FER1L6: variants seen among roughly 807,000 people sequenced by gnomAD.
The protein encoded by FER1L6 is fer-1 like family member 6.
FER1L6 carries 177 observed loss-of-function variants against 219.2 expected under a neutral mutation model. The observed-to-expected ratio is 0.81, with a 90% CI of 0.71 to 0.91. The LOEUF is 0.91. FER1L6 is among the 40% of genes least tolerant of loss of function. The pLI is 0.00. For missense variants in FER1L6, 2,153 were observed against 2,259.9 expected (o/e 0.95, Z 0.96); for synonymous variants, 768 against 824.3 (o/e 0.93, Z 1.17).
Position 124,066,684 on chromosome 8 carries a change from C to T in FER1L6, c.3678+134C>T, listed in dbSNP as rs568641746. On this transcript the variant is annotated intron_variant, in intron 27 of 40. Coordinates refer to ENST00000522917, the MANE Select transcript of FER1L6 (RefSeq NM_001039112.2). ...CCCTACTCAGGTGTGGTTCTGTTAA[C>T]TGCAGAAAGGTAAAAAGCCTGGAAG... The T allele has an allele frequency of 2.0e-5, 20 of 1,018,588 alleles. No homozygotes were observed. The East Asian group carries it at 5.2e-4, about 27-fold the overall frequency. 63.1% of individuals were successfully genotyped at this position (1,018,588 alleles called of 1,614,324 possible). A position where few individuals can be genotyped will look rare whatever the true frequency, so the allele number is the denominator to read the frequency against.
intron 1 of FER1L6, among the ~76,000 whole-genome samples, chr8:123,934,615 C>T (rs1431051661): frequency 6.6e-6 from 1 of 151,732 alleles, no homozygotes; most frequent in Non-Finnish European, 1.5e-5. Context: ...TCAATTGGCT[C>T]ATTATTGTGG....
At chr8:124,004,546 C>A (rs919340368) in intron 13 of FER1L6, among the ~76,000 whole-genome samples, 3 of 152,148 alleles carry the variant, frequency 2.0e-5, no homozygotes, top group African/African-American at 7.2e-5. Flanking sequence ...TTTTCCTAGA[C>A]AGCCCTCTTT....
intron 1 of FER1L6, among the ~76,000 whole-genome samples, chr8:123,864,143 GCTTC>G (rs1563666180): frequency 6.7e-6 from 1 of 149,004 alleles, no homozygotes; most frequent in African/African-American, 2.6e-5. Context: ...CATGTTTAGC[GCTTC>G]CTTCAGGAGC....
chr8:124,091,516 C>T lies in FER1L6; in HGVS notation c.4485C>T (p.His1495=). ...KDNKLDGPYF[H]PGKIQIGNQV... ...ACAAGCTGGATGGACCCTACTTTCACCCTGGGAAAATACAGATAGGAAACC... is the reference window on the plus strand; with the variant it reads ...ACAAGCTGGATGGACCCTACTTTCATCCTGGGAAAATACAGATAGGAAACC... Residue 1495 remains histidine, a synonymous_variant, in exon 34 of 41, where the codon CAC becomes CAT. Transcript: ENST00000522917. 1 of 1,614,054 alleles carries T rather than the reference C, an allele frequency of 6.2e-7. No individual in the cohort carries two copies. The highest frequency in any genetic ancestry group is 8.5e-7 in the Non-Finnish European group (1 of 1,179,918).
chr8:124,082,156 C>T, intron 32 of FER1L6, 132 bp from the exon 33 acceptor site: 1 of 592,602 alleles, frequency 1.7e-6, no homozygotes, highest in Non-Finnish European at 2.9e-6. Context: ...CAAATATCTG[C>T]TAAGTATTAA....
At chr8:124,046,476 C>A (rs4871457) in intron 21 of FER1L6, 129,259 of 152,238 alleles carry the variant, frequency 0.85, 55,116 homozygotes, top group African/African-American at 0.88. Context: ...GGATAGAGTC[C>A]AAAGCTTACT....
At chr8:123,925,851 G>T (rs1380179578) in intron 1 of FER1L6, 1 of 152,160 alleles carries the variant, frequency 6.6e-6, no homozygotes, top group East Asian at 1.9e-4. Flanking sequence ...TATTTGCAGG[G>T]CCCAGTCCAA....
chr8:124,021,736 T>A (rs1055621762), intron 17 of FER1L6, 67 bp downstream of exon 17: 27 of 1,580,180 alleles, frequency 1.7e-5, no homozygotes. Context: ...GAGGTTTGAA[T>A]GGTTGGTACG....
intron 13 of FER1L6, 104 bp downstream of exon 13, chr8:124,003,451 CTTTTTT>C (rs71289633): frequency 1.9e-3 from 210 of 111,634 alleles, no homozygotes; most frequent in South Asian, 8.4e-3. Context: ...CAGAAATGTC[CTTTTTT>C]TTTTTTTTTT....
At chr8:124,092,683 G>A (rs922433039) in intron 34 of FER1L6, among the ~76,000 whole-genome samples, 4 of 152,162 alleles carry the variant, frequency 2.6e-5, no homozygotes, top group African/African-American at 7.2e-5. Flanking sequence ...AAGAAAAGGT[G>A]TTTAATTGGC....
chr8:124,083,420 T>C (rs74651757), intron 33 of FER1L6, among the ~76,000 whole-genome samples: 1 of 152,240 alleles, frequency 6.6e-6, no homozygotes, highest in Non-Finnish European at 1.5e-5. Flanking sequence ...GACACAGGGA[T>C]CTACTTTCAT....
At chr8:123,966,091 C>G in intron 4 of FER1L6, 30 bp downstream of exon 4, 1 of 1,613,494 alleles carries the variant, frequency 6.2e-7, no homozygotes, top group Non-Finnish European at 8.5e-7. Flanking sequence ...TGCCCAGCCT[C>G]CCCCAGTGCT....
At chr8:123,973,299 C>T in intron 6 of FER1L6, 135 bp from the exon 7 acceptor site, 1 of 668,566 alleles carries the variant, frequency 1.5e-6, no homozygotes, top group South Asian at 1.8e-5. Context: ...TGAGGGGCTT[C>T]TGGAGGTCCT....
intron 1 of FER1L6, among the ~76,000 whole-genome samples, chr8:123,861,332 T>C (rs1200244642): frequency 6.9e-6 from 1 of 145,174 alleles, no homozygotes; most frequent in East Asian, 2.0e-4. Context: ...TTCTGTTCCA[T>C]TGATCTATAT....
rs1313168877 is a variant in FER1L6, at chr8:123,956,027, GAAAT to G, written c.32_35del (p.Asn11ArgfsTer6). On this transcript the variant is annotated frameshift_variant, in exon 2 of 41. Coordinates refer to ENST00000522917, the MANE Select transcript of FER1L6 (RefSeq NM_001039112.2). LOFTEE classifies it high-confidence loss of function. ...TTTGGGCTGAAGGTGAAGAAGAAGA[GAAAT>G]AAGGCAGAGAAGGGGTTAATCCTAG... The G allele has an allele frequency of 6.2e-6, 10 of 1,612,246 alleles. No homozygotes were observed. Among genetic ancestry groups the G allele is most frequent in the Non-Finnish European group, 8.5e-6 (10 of 1,179,498 alleles).
intron 10 of FER1L6, among the ~76,000 whole-genome samples, chr8:123,978,260 A>G (rs111953140): frequency 1.2e-3 from 184 of 152,340 alleles, no homozygotes; most frequent in African/African-American, 4.4e-3. Context: ...ATGGCCTACT[A>G]CATATTTTAG....
intron 27 of FER1L6, 57 bp from the exon 28 acceptor site, chr8:124,067,710 C>T: frequency 7.1e-7 from 1 of 1,415,182 alleles, no homozygotes; most frequent in Non-Finnish European, 1.0e-6. Flanking sequence ...TAATTGTTAG[C>T]AGTCAATTAA....
At chr8:123,866,061 T>C (rs1563666991) in intron 1 of FER1L6, among the ~76,000 whole-genome samples, 1 of 151,794 alleles carries the variant, frequency 6.6e-6, no homozygotes, top group Non-Finnish European at 1.5e-5. Flanking sequence ...TGGTTCCAAG[T>C]CTTTGCTATT....
Position 124,035,229 on chromosome 8 carries a change from T to A in FER1L6, c.2287-48T>A, listed in dbSNP as rs1316603106. 3.2e-6 allele frequency: 5 copies of A among 1,580,184 alleles called. No individual in the cohort carries two copies. The African/African-American group carries it at 4.1e-5, about 13-fold the overall frequency. Reference sequence around the variant, plus strand: ...CTCTTTTCTCAAAAGGGGAGGCCTATAATTATCTCCTACTAATAAGTCAGT... The same window carrying A: ...CTCTTTTCTCAAAAGGGGAGGCCTAAAATTATCTCCTACTAATAAGTCAGT... On this transcript the variant is annotated intron_variant, in intron 18 of 40. Coordinates refer to ENST00000522917, the MANE Select transcript of FER1L6 (RefSeq NM_001039112.2).
Sources: gnomAD v4.1 joint callset for allele counts (sites outside exome capture counted in the v4.1 genomes callset) on GRCh38, gnomAD v4.1.1 for gene constraint, MANE v1.5 for transcripts, NCBI Gene and HGNC (gene_info 2026-07-23, HGNC 2026-07-21) for gene names.